The following CCM2 variants were observed in gnomAD, a reference collection of about 807,000 sequenced individuals.
CCM2 encodes the protein CCM2 scaffold protein.
A neutral mutation model predicts 44.9 loss-of-function variants in CCM2; 25 were observed. The ratio of observed to expected loss-of-function variants is 0.56; its 90% CI spans 0.41 to 0.78. The LOEUF is 0.78. Among genes scored for constraint, CCM2 ranks in the 30% least tolerant of loss-of-function variants. The pLI, the probability that CCM2 is intolerant of heterozygous loss-of-function variation, is 0.00. For missense variants in CCM2, 481 were observed against 580.6 expected (o/e 0.83, Z 1.76); for synonymous variants, 219 against 241.1 (o/e 0.91, Z 0.85).
At chr7:45,031,030 T>G (rs1233165070) in intron 1 of CCM2, among the ~76,000 whole-genome samples, 2 of 152,158 alleles carry the variant, frequency 1.3e-5, no homozygotes, top group Non-Finnish European at 2.9e-5. Context: ...GGCCTCGATT[T>G]ATTTTTTAAC....
chr7:45,029,923 G>A (rs903924030), intron 1 of CCM2, among the ~76,000 whole-genome samples: 1 of 152,222 alleles, frequency 6.6e-6, no homozygotes, highest in South Asian at 2.1e-4. Context: ...GTAAGAATTT[G>A]TAAGGATCTA....
Position 45,041,160 on chromosome 7 carries a change from T to C in CCM2, c.204+2734T>C, listed in dbSNP as rs530773374. On this transcript the variant is annotated intron_variant, in intron 2 of 9. Transcript: ENST00000258781. ...ACAGAAGCTCTGGGATAAGTAAGTA[T>C]AGACTATATGTTTGGGTAGAATAAT... Among the ~76,000 whole-genome samples, 7 of 152,270 alleles carry C rather than the reference T, an allele frequency of 4.6e-5. 2 individuals carry two copies. The highest frequency in any genetic ancestry group is 1.7e-4 in the African/African-American group (7 of 41,568).
chr7:45,041,036 G>A (rs373147604), intron 2 of CCM2, among the ~76,000 whole-genome samples: 1 of 152,232 alleles, frequency 6.6e-6, no homozygotes, highest in Non-Finnish European at 1.5e-5. Context: ...AGGAAGACAC[G>A]GATTCATAGC....
chr7:45,000,232 C>T lies in CCM2; in HGVS notation c.-102C>T, dbSNP rs1583818851. On this transcript the variant is annotated 5_prime_UTR_variant, in exon 1 of 10. Coordinates refer to ENST00000258781, the MANE Select transcript of CCM2 (RefSeq NM_031443.4). ...TTCGGGCCCGGCTGGCGGGCGGCGC[C>T]GGGAGCGCGGGGGCGGCGGGCCCGG... 7.8e-6 allele frequency: 5 copies of T among 641,588 alleles called. No homozygotes were observed. The highest frequency in any genetic ancestry group is 9.0e-6 in the Non-Finnish European group (5 of 558,132). The allele number at this position is 641,588 out of a possible 1,614,324, so 39.7% of individuals were successfully genotyped here.
intron 1 of CCM2, among the ~76,000 whole-genome samples, chr7:45,023,003 A>G (rs1796541231): frequency 6.6e-6 from 1 of 151,932 alleles, no homozygotes; most frequent in Non-Finnish European, 1.5e-5. Context: ...GGCCTCCCAA[A>G]GTGCTGGGAT....
intron 2 of CCM2, among the ~76,000 whole-genome samples, chr7:45,044,638 A>T (rs1199526573): frequency 1.3e-5 from 2 of 152,214 alleles, no homozygotes; most frequent in Non-Finnish European, 2.9e-5. Context: ...TATGTTCAGT[A>T]GAATTAGACT....
intron 1 of CCM2, among the ~76,000 whole-genome samples, chr7:45,017,653 C>T (rs1193318114): frequency 6.6e-6 from 1 of 152,018 alleles, no homozygotes; most frequent in East Asian, 1.9e-4. Flanking sequence ...TTCATGAACG[C>T]ATGTAATTTG....
At chr7:45,046,374 A>C (rs1402035359) in intron 2 of CCM2, among the ~76,000 whole-genome samples, 1 of 152,276 alleles carries the variant, frequency 6.6e-6, no homozygotes, top group Non-Finnish European at 1.5e-5. Flanking sequence ...ATCACAATCA[A>C]GACTGTGGTA....
intron 2 of CCM2, among the ~76,000 whole-genome samples, chr7:45,042,513 A>G (rs1245817383): frequency 6.6e-6 from 1 of 151,964 alleles, no homozygotes; most frequent in Non-Finnish European, 1.5e-5. Context: ...AAAGACAACA[A>G]CAACAAAAAA....
intron 2 of CCM2, among the ~76,000 whole-genome samples, chr7:45,047,863 G>A (rs538733693): frequency 6.6e-6 from 1 of 152,240 alleles, no homozygotes; most frequent in South Asian, 2.1e-4. Flanking sequence ...GGATCTCCCT[G>A]TATCATTTCT....
intron 2 of CCM2, among the ~76,000 whole-genome samples, chr7:45,038,637 T>C (rs930121812): frequency 7.9e-5 from 12 of 152,242 alleles, no homozygotes; most frequent in African/African-American, 2.7e-4. Context: ...TATTTTTTTC[T>C]GTAGTAGCAA....
chr7:45,053,204 G>A (rs1379852496), intron 2 of CCM2, among the ~76,000 whole-genome samples: 4 of 152,170 alleles, frequency 2.6e-5, no homozygotes, highest in African/African-American at 9.7e-5. Flanking sequence ...CAGTTCCTAT[G>A]GTACTTTTAC....
chr7:45,027,405 T>TG (rs1201265029), intron 1 of CCM2: 1 of 490,796 alleles, frequency 2.0e-6, no homozygotes, highest in Non-Finnish European at 3.7e-6. Context: ...AATGTCCTTC[T>TG]GTTGACTGCA....
chr7:45,004,996 CAAAAA>C (rs57545850), intron 1 of CCM2, among the ~76,000 whole-genome samples: 1 of 139,770 alleles, frequency 7.2e-6, no homozygotes, highest in African/African-American at 2.6e-5. Context: ...GACTCCGTCT[CAAAAA>C]AAAAAAAAAG....
rs539662615 is a variant in CCM2 at position 45,037,412 on chromosome 7, C to T, written c.31-841C>T. Among the ~76,000 whole-genome samples the T allele has an allele frequency of 6.7e-3, 924 of 137,550 alleles. 15 individuals are homozygous for T. The highest frequency in any genetic ancestry group is 0.025 in the African/African-American group (873 of 35,458). The allele number at this position is 137,550 out of a possible 152,430, so 90.2% of individuals were successfully genotyped here. A position where few individuals can be genotyped will look rare whatever the true frequency, so the allele number is the denominator to read the frequency against. ...GGCCAGCTGCTGATCAGGGCTTCTC[C>T]CCCTACTTTTTTTTTTTTTTTTTTT... On this transcript the variant is annotated intron_variant, in intron 1 of 9. Transcript: ENST00000258781.
At chr7:45,008,389 A>C (rs1339748905) in intron 1 of CCM2, among the ~76,000 whole-genome samples, 1 of 96,510 alleles carries the variant, frequency 1.0e-5, no homozygotes, top group Non-Finnish European at 2.0e-5. Flanking sequence ...TTTTTGAGAC[A>C]GTTTTGCTCT....
At chr7:45,007,682 A>G (rs2128712229) in intron 1 of CCM2, among the ~76,000 whole-genome samples, 1 of 152,290 alleles carries the variant, frequency 6.6e-6, no homozygotes, top group East Asian at 1.9e-4. Flanking sequence ...CATAATAGGA[A>G]CATGGAATTT....
chr7:45,017,818 C>G (rs1042240550), intron 1 of CCM2, among the ~76,000 whole-genome samples: 3 of 152,214 alleles, frequency 2.0e-5, no homozygotes, highest in Admixed American at 6.5e-5. Context: ...AGGCTTTGTT[C>G]AGTCAGTTGG....
chr7:45,031,381 CAAAAAAAAAA>C (rs35741858), intron 1 of CCM2, among the ~76,000 whole-genome samples: 2 of 57,486 alleles, frequency 3.5e-5, no homozygotes, highest in Non-Finnish European at 7.0e-5. Flanking sequence ...GACTCCAGGT[CAAAAAAAAAA>C]AAAAAAAAAA....
Sources: gnomAD v4.1 joint callset for allele counts (sites outside exome capture counted in the v4.1 genomes callset) on GRCh38, gnomAD v4.1.1 for gene constraint, MANE v1.5 for transcripts, NCBI Gene and HGNC (gene_info 2026-07-23, HGNC 2026-07-21) for gene names.